The following KATNAL1 variants were observed in gnomAD, a reference collection of about 807,000 sequenced individuals.
The protein encoded by KATNAL1 is katanin p60 ATPase-containing subunit A-like 1.
A neutral mutation model predicts 55.2 loss-of-function variants in KATNAL1; 32 were observed. That is an observed-to-expected ratio of 0.58 (90% CI 0.44 to 0.78). The LOEUF (loss-of-function observed/expected upper bound fraction) is 0.78, where lower values mean the gene tolerates loss of function less well. Among genes scored for constraint, KATNAL1 ranks in the 30% least tolerant of loss-of-function variants. The pLI, the probability that KATNAL1 is intolerant of heterozygous loss-of-function variation, is 0.00. For synonymous variants in KATNAL1, 193 were observed against 193.6 expected, an observed-to-expected ratio of 1.00 and a Z score of 0.02; for missense variants, 466 against 600.9, an observed-to-expected ratio of 0.78 and a Z score of 2.35.
rs147031234 is a variant in KATNAL1 at position 30,268,757 on chromosome 13, T to C, written c.323+11306A>G. ...AAAAACTACTATTCTTCAGCAAAGATGAAACTGAATCTAGAAATAGTGAAA... is the reference window on the plus strand; with the variant it reads ...AAAAACTACTATTCTTCAGCAAAGACGAAACTGAATCTAGAAATAGTGAAA... On this transcript the variant is annotated intron_variant, in intron 3 of 10. Coordinates refer to ENST00000380615, the MANE Select transcript of KATNAL1 (RefSeq NM_032116.5). Among the ~76,000 whole-genome samples, 41 of 152,314 alleles carry C rather than the reference T, an allele frequency of 2.7e-4. No individual in the cohort carries two copies. In the East Asian group the frequency reaches 7.7e-3, roughly 29 times the overall value.
chr13:30,292,608 C>T (rs1882207131), intron 1 of KATNAL1, among the ~76,000 whole-genome samples: 1 of 152,164 alleles, frequency 6.6e-6, no homozygotes, highest in Non-Finnish European at 1.5e-5. Context: ...TCTTTCTACC[C>T]TCCAAGGCTG....
rs570617603 is a variant in KATNAL1 at position 30,245,007 on chromosome 13, T to C, written c.493-3921A>G. Among the ~76,000 whole-genome samples, 5 of 150,646 alleles carry C rather than the reference T, an allele frequency of 3.3e-5. No individual in the cohort carries two copies. The East Asian group carries it at 1.0e-3, about 30-fold the overall frequency. ...CTGGTATAATTCCTTCTGAAACTATTCCAAACAATTAAAAAAAAAAAAGGG... is the reference window on the plus strand; with the variant it reads ...CTGGTATAATTCCTTCTGAAACTATCCCAAACAATTAAAAAAAAAAAAGGG... On this transcript the variant is annotated intron_variant, in intron 4 of 10. Transcript: ENST00000380615.
chr13:30,256,187 G>A (rs558779027), intron 3 of KATNAL1, among the ~76,000 whole-genome samples: 71 of 152,298 alleles, frequency 4.7e-4, no homozygotes, highest in Non-Finnish European at 9.0e-4. Flanking sequence ...AAATATTCAT[G>A]TTTTGAGAAT....
intron 4 of KATNAL1, among the ~76,000 whole-genome samples, chr13:30,246,122 A>T (rs181012419): frequency 6.6e-6 from 1 of 152,366 alleles, no homozygotes; most frequent in African/African-American, 2.4e-5. Context: ...AGCTGGAGGC[A>T]TCATGCTACC....
At chr13:30,248,068 A>C (rs1877956125) in intron 4 of KATNAL1, among the ~76,000 whole-genome samples, 2 of 152,256 alleles carry the variant, frequency 1.3e-5, no homozygotes, top group Non-Finnish European at 2.9e-5. Flanking sequence ...TAGTTCAATA[A>C]GGATATACAA....
intron 3 of KATNAL1, among the ~76,000 whole-genome samples, chr13:30,262,223 G>A (rs1467730644): frequency 6.6e-6 from 1 of 151,666 alleles, no homozygotes; most frequent in African/African-American, 2.4e-5. Flanking sequence ...AAAGCAGTGT[G>A]TAGAGGGAAA....
chr13:30,274,052 C>T (rs1439251766), intron 3 of KATNAL1, among the ~76,000 whole-genome samples: 2 of 152,192 alleles, frequency 1.3e-5, no homozygotes, highest in African/African-American at 2.4e-5. Flanking sequence ...CAATACTAGG[C>T]ATCCAGAGGC....
chr13:30,269,991 T>C (rs1593919787), intron 3 of KATNAL1, among the ~76,000 whole-genome samples: 1 of 140,828 alleles, frequency 7.1e-6, no homozygotes, highest in Non-Finnish European at 1.5e-5. Context: ...GGAGCCCCTC[T>C]GCCCGGCCAG....
At chr13:30,241,741 G>A (rs925074300) in intron 4 of KATNAL1, among the ~76,000 whole-genome samples, 1 of 152,096 alleles carries the variant, frequency 6.6e-6, no homozygotes, top group Admixed American at 6.5e-5. Flanking sequence ...AACTTCAACC[G>A]GAAAAGAGAC....
At chr13:30,254,343 GA>G (rs1878602096) in intron 4 of KATNAL1, among the ~76,000 whole-genome samples, 1 of 152,112 alleles carries the variant, frequency 6.6e-6, no homozygotes, top group Non-Finnish European at 1.5e-5. Context: ...AAAAGGATCT[GA>G]AATAGAATCA....
chr13:30,224,849 A>G (rs1875282390), intron 9 of KATNAL1, among the ~76,000 whole-genome samples: 1 of 151,558 alleles, frequency 6.6e-6, no homozygotes, highest in South Asian at 2.1e-4. Flanking sequence ...GATTTGTATT[A>G]TGCCAACTTA....
At chr13:30,253,800 T>C (rs369721169) in intron 4 of KATNAL1, among the ~76,000 whole-genome samples, 1 of 152,236 alleles carries the variant, frequency 6.6e-6, no homozygotes, top group African/African-American at 2.4e-5. Context: ...TCCAGACTTT[T>C]CATCTAGCTT....
intron 3 of KATNAL1, among the ~76,000 whole-genome samples, chr13:30,268,940 C>T (rs1262022134): frequency 6.6e-6 from 1 of 152,152 alleles, no homozygotes; most frequent in Non-Finnish European, 1.5e-5. Context: ...ATAAAAGGCC[C>T]TGACCTTACA....
chr13:30,221,084 G>A (rs562241774), intron 9 of KATNAL1, among the ~76,000 whole-genome samples: 2 of 152,286 alleles, frequency 1.3e-5, no homozygotes, highest in African/African-American at 4.8e-5. Flanking sequence ...GTAACAGCCA[G>A]AAAAGATAAT....
chr13:30,261,547 A>C (rs1879286717), intron 3 of KATNAL1, among the ~76,000 whole-genome samples: 2 of 152,154 alleles, frequency 1.3e-5, no homozygotes, highest in Non-Finnish European at 2.9e-5. Context: ...GGAAAACAAA[A>C]ATAGGCAGGG....
chr13:30,290,871 AATAG>A (rs1015386160), intron 1 of KATNAL1, among the ~76,000 whole-genome samples: 4 of 152,190 alleles, frequency 2.6e-5, no homozygotes, highest in Non-Finnish European at 5.9e-5. Context: ...AAATCATCTC[AATAG>A]ATACAGAAAA....
At chr13:30,227,615 T>A in intron 8 of KATNAL1, 69 bp from the exon 9 acceptor site, 1 of 1,538,742 alleles carries the variant, frequency 6.5e-7, no homozygotes, top group South Asian at 1.2e-5. Context: ...TCAATTAACA[T>A]TTCTTTTAGC....
intron 4 of KATNAL1, among the ~76,000 whole-genome samples, chr13:30,251,363 T>C (rs757934087): frequency 6.6e-6 from 1 of 152,198 alleles, no homozygotes; most frequent in East Asian, 1.9e-4. Flanking sequence ...GTTTGTGTCC[T>C]TCCAAAATTC....
intron 1 of KATNAL1, among the ~76,000 whole-genome samples, chr13:30,297,413 G>A (rs548023069): frequency 1.6e-4 from 24 of 152,282 alleles, no homozygotes; most frequent in Admixed American, 2.6e-4. Context: ...AGGCTGCAGC[G>A]AAAAGGGAAT....
Sources: allele counts gnomAD v4.1 joint callset (sites outside exome capture counted in the v4.1 genomes callset), GRCh38; gene constraint gnomAD v4.1.1; transcripts MANE v1.5; gene names NCBI Gene and HGNC (gene_info 2026-07-23, HGNC 2026-07-21).